CDK14: variants seen among roughly 807,000 people sequenced by gnomAD.
CDK14 encodes cyclin dependent kinase 14, also known as cyclin-dependent kinase 14.
In CDK14, 34 loss-of-function variants were observed where a neutral mutation model predicts 60.7. That is an observed-to-expected ratio of 0.56 (90% confidence interval 0.43 to 0.75). The LOEUF (loss-of-function observed/expected upper bound fraction) is 0.75, where lower values mean the gene tolerates loss of function less well. Among genes scored for constraint, CDK14 ranks in the 30% least tolerant of loss-of-function variants. The probability of loss-of-function intolerance (pLI) is 0.00; values close to 1 mark genes in which losing one functional copy is unlikely to be tolerated. For missense variants in CDK14, 482 were observed against 564.1 expected (o/e 0.85, Z 1.47); for synonymous variants, 197 against 203.7 (o/e 0.97, Z 0.28).
intron 8 of CDK14, among the ~76,000 whole-genome samples, chr7:90,923,488 AT>A (rs1250525892): frequency 2.0e-5 from 3 of 152,136 alleles, no homozygotes; most frequent in Non-Finnish European, 4.4e-5. Context: ...TGCAACTAAT[AT>A]GCATATACTA....
At chr7:90,863,344 C>A (rs1791068758) in intron 6 of CDK14, 75 bp downstream of exon 6, 2 of 836,728 alleles carry the variant, frequency 2.4e-6, no homozygotes, top group Non-Finnish European at 3.8e-6. Context: ...CATAGAATTT[C>A]GTTTTTAGAT....
chr7:90,614,252 G>T (rs1477085290), intron 2 of CDK14, among the ~76,000 whole-genome samples: 1 of 152,020 alleles, frequency 6.6e-6, no homozygotes, highest in Non-Finnish European at 1.5e-5. Flanking sequence ...TGATCCACCC[G>T]CCTTGGCCTC....
chr7:90,697,040 A>G (rs1801675389), intron 2 of CDK14, among the ~76,000 whole-genome samples: 1 of 152,088 alleles, frequency 6.6e-6, no homozygotes, highest in Non-Finnish European at 1.5e-5. Context: ...AGTGGAGAGG[A>G]TAGAAATCTG....
At chr7:90,743,447 AT>A (rs964301405) in intron 3 of CDK14, among the ~76,000 whole-genome samples, 2 of 151,930 alleles carry the variant, frequency 1.3e-5, no homozygotes, top group Non-Finnish European at 2.9e-5. Context: ...CTAATCTATG[AT>A]TTTTTTTGGT....
chr7:90,805,436 AC>A (rs1554341115), intron 5 of CDK14, among the ~76,000 whole-genome samples: 1 of 12,004 alleles, frequency 8.3e-5, no homozygotes, highest in Non-Finnish European at 1.7e-4. Flanking sequence ...AATTTTCTCA[AC>A]ACACACACAC....
chr7:90,963,706 C>CT (rs1794671741), intron 9 of CDK14, among the ~76,000 whole-genome samples: 4 of 101,518 alleles, frequency 3.9e-5, no homozygotes, highest in South Asian at 3.2e-4. Flanking sequence ...TTTTCTTTTT[C>CT]TTTTCTTTTT....
At chr7:91,110,208 A>G (rs2116344805) in intron 12 of CDK14, among the ~76,000 whole-genome samples, 1 of 152,252 alleles carries the variant, frequency 6.6e-6, no homozygotes, top group Non-Finnish European at 1.5e-5. Context: ...CTTAAAATGA[A>G]ATTTCTAAAC....
intron 4 of CDK14, among the ~76,000 whole-genome samples, chr7:90,752,573 A>G (rs867344268): frequency 5.3e-5 from 8 of 152,154 alleles, no homozygotes; most frequent in Admixed American, 2.0e-4. Context: ...GAAAGATCTT[A>G]AATTAACTAA....
At chr7:90,873,502 G>A (rs941273435) in intron 6 of CDK14, among the ~76,000 whole-genome samples, 4 of 152,042 alleles carry the variant, frequency 2.6e-5, no homozygotes, top group Non-Finnish European at 5.9e-5. Context: ...TCCATTTTAT[G>A]AATACTTAGT....
chr7:90,621,427 C>T (rs1001053643), intron 2 of CDK14, among the ~76,000 whole-genome samples: 1 of 152,228 alleles, frequency 6.6e-6, no homozygotes, highest in Non-Finnish European at 1.5e-5. Context: ...AAAATACTCT[C>T]TTCCCCCTGC....
intron 2 of CDK14, among the ~76,000 whole-genome samples, chr7:90,634,541 A>C (rs1333473358): frequency 6.6e-6 from 1 of 151,890 alleles, no homozygotes; most frequent in Non-Finnish European, 1.5e-5. Flanking sequence ...ATTGTTGGAC[A>C]TTTGGGTTGG....
intron 14 of CDK14, among the ~76,000 whole-genome samples, chr7:91,129,099 G>A (rs1324050970): frequency 1.3e-5 from 2 of 152,182 alleles, no homozygotes; most frequent in African/African-American, 4.8e-5. Context: ...ATCTCAAAGT[G>A]TGGTCCATAT....
chr7:90,832,930 TGTCAG>T (rs1789960539), intron 5 of CDK14, among the ~76,000 whole-genome samples: 1 of 152,216 alleles, frequency 6.6e-6, no homozygotes, highest in Non-Finnish European at 1.5e-5. Context: ...TTTCTGGGAC[TGTCAG>T]TGGTGTCTGC....
At chr7:90,970,060 A>G (rs1295399734) in intron 9 of CDK14, among the ~76,000 whole-genome samples, 1 of 149,186 alleles carries the variant, frequency 6.7e-6, no homozygotes, top group Admixed American at 6.8e-5. Context: ...TCCGCCTCCC[A>G]GGTTTAAGCG....
At chr7:91,094,549 G>A (rs1798926068) in intron 12 of CDK14, among the ~76,000 whole-genome samples, 1 of 152,074 alleles carries the variant, frequency 6.6e-6, no homozygotes, top group South Asian at 2.1e-4. Flanking sequence ...CTCTCAAATT[G>A]TTTTCCTGGT....
At chr7:90,871,213 G>C (rs906356597) in intron 6 of CDK14, among the ~76,000 whole-genome samples, 2 of 152,090 alleles carry the variant, frequency 1.3e-5, no homozygotes, top group Non-Finnish European at 2.9e-5. Flanking sequence ...GATCAGAAAA[G>C]AATATAATAA....
chr7:90,978,494 A>G (rs1562853911), intron 9 of CDK14, among the ~76,000 whole-genome samples: 1 of 152,108 alleles, frequency 6.6e-6, no homozygotes, highest in Non-Finnish European at 1.5e-5. Flanking sequence ...TTAATAGGTA[A>G]AATTTTCTAA....
chr7:91,042,486 C>G (rs1161299800), intron 10 of CDK14, among the ~76,000 whole-genome samples: 1 of 152,188 alleles, frequency 6.6e-6, no homozygotes, highest in Non-Finnish European at 1.5e-5. Context: ...AGGAGCACTT[C>G]AAGGCAGAGT....
At chr7:90,974,986 A>T (rs151330105) in intron 9 of CDK14, among the ~76,000 whole-genome samples, 1 of 152,320 alleles carries the variant, frequency 6.6e-6, no homozygotes, top group Non-Finnish European at 1.5e-5. Flanking sequence ...TATTTTTAAA[A>T]GCAAAAGACC....
Sources: allele counts gnomAD v4.1 joint callset (sites outside exome capture counted in the v4.1 genomes callset), GRCh38; gene constraint gnomAD v4.1.1; transcripts MANE v1.5; gene names NCBI Gene and HGNC (gene_info 2026-07-23, HGNC 2026-07-21).